The following TESC variants were observed in gnomAD, a reference collection of about 807,000 sequenced individuals.
The protein encoded by TESC is tescalcin.
A neutral mutation model predicts 31.0 loss-of-function variants in TESC; 19 were observed. That is an observed-to-expected ratio of 0.61 (90% CI 0.43 to 0.90). The LOEUF is 0.90. TESC is among the 40% of genes least tolerant of loss of function. The pLI, the probability that TESC is intolerant of heterozygous loss-of-function variation, is 0.00. For synonymous variants in TESC, 109 were observed against 114.8 expected (o/e 0.95, Z 0.32); for missense variants, 248 against 303.8 (o/e 0.82, Z 1.36).
At chr12:117,095,077 T>C (rs905962067) in intron 1 of TESC, among the ~76,000 whole-genome samples, 4 of 151,644 alleles carry the variant, frequency 2.6e-5, no homozygotes, top group Non-Finnish European at 5.9e-5. Flanking sequence ...TTGTTTTTTC[T>C]TGTTTTTGTT....
At chr12:117,057,948 C>T (rs1029923294) in intron 2 of TESC, among the ~76,000 whole-genome samples, 27 of 152,070 alleles carry the variant, frequency 1.8e-4, no homozygotes, top group African/African-American at 6.3e-4. Flanking sequence ...GCCCGGGCGC[C>T]GTAGCTCACA....
At chr12:117,069,657 G>A (rs1485154245) in intron 2 of TESC, among the ~76,000 whole-genome samples, 1 of 152,192 alleles carries the variant, frequency 6.6e-6, no homozygotes, top group Non-Finnish European at 1.5e-5. Context: ...GTCCTCAGAT[G>A]ACTTCTGGAA....
Position 117,039,111 on chromosome 12 carries a change from T to C in TESC, c.*22A>G. 3 of 1,612,798 alleles carry C rather than the reference T, an allele frequency of 1.9e-6. No individual in the cohort carries two copies. The highest frequency in any genetic ancestry group is 2.5e-6 in the Non-Finnish European group (3 of 1,179,478). On this transcript the variant is annotated 3_prime_UTR_variant, in exon 8 of 8. Transcript: ENST00000335209. ...GGCGGCCCCATTGCAAAGTGCAGTTTCTCCGCGGAGGTGGCGGTGGGTCAG... is the reference window on the plus strand; with the variant it reads ...GGCGGCCCCATTGCAAAGTGCAGTTCCTCCGCGGAGGTGGCGGTGGGTCAG...
intron 2 of TESC, among the ~76,000 whole-genome samples, chr12:117,064,409 C>G (rs1169457721): frequency 1.3e-5 from 2 of 152,200 alleles, no homozygotes; most frequent in Admixed American, 6.5e-5. Flanking sequence ...TGGACAACGT[C>G]GCCAAGACCA....
chr12:117,083,734 G>C (rs1260860357), intron 1 of TESC, among the ~76,000 whole-genome samples: 2 of 152,178 alleles, frequency 1.3e-5, no homozygotes, highest in Non-Finnish European at 2.9e-5. Context: ...CCAGGGGCTG[G>C]AGGGTGTTGA....
chr12:117,054,451 G>A (rs11837022), intron 3 of TESC, among the ~76,000 whole-genome samples: 59,878 of 151,830 alleles, frequency 0.39, 13,030 homozygotes, highest in African/African-American at 0.59. Context: ...GGTCCAGCTG[G>A]GTCTGCCTCT....
intron 7 of TESC, among the ~76,000 whole-genome samples, chr12:117,040,160 C>T (rs1033319884): frequency 2.2e-4 from 33 of 152,240 alleles, no homozygotes; most frequent in African/African-American, 7.5e-4. Context: ...GGGACATTTC[C>T]GGCCGCAGCC....
At chr12:117,074,418 T>C (rs1426660510) in intron 2 of TESC, among the ~76,000 whole-genome samples, 1 of 152,144 alleles carries the variant, frequency 6.6e-6, no homozygotes, top group African/African-American at 2.4e-5. Flanking sequence ...GAATACAGTT[T>C]AAGGCATTCC....
At chr12:117,060,070 C>T (rs149595490) in intron 2 of TESC, among the ~76,000 whole-genome samples, 1 of 152,230 alleles carries the variant, frequency 6.6e-6, no homozygotes, top group African/African-American at 2.4e-5. Flanking sequence ...GGGGTGATGG[C>T]TAACGGGTGC....
chr12:117,052,524 C>T (rs1244896578), intron 3 of TESC, among the ~76,000 whole-genome samples: 1 of 152,158 alleles, frequency 6.6e-6, no homozygotes, highest in African/African-American at 2.4e-5. Flanking sequence ...CTGGGCCAGC[C>T]TTAGTCACTG....
chr12:117,051,026 G>A (rs1592996489), intron 3 of TESC, among the ~76,000 whole-genome samples: 2 of 152,168 alleles, frequency 1.3e-5, no homozygotes, highest in South Asian at 2.1e-4. Flanking sequence ...ATGAGCGCCC[G>A]AGGCTGCTGG....
chr12:117,045,559 CT>C (rs928833474), intron 6 of TESC, among the ~76,000 whole-genome samples: 2 of 152,206 alleles, frequency 1.3e-5, no homozygotes, highest in African/African-American at 4.8e-5. Context: ...AAGCTTCCCC[CT>C]GGGCTCCAGA....
chr12:117,051,655 G>A (rs1182436803), intron 3 of TESC, among the ~76,000 whole-genome samples: 2 of 152,148 alleles, frequency 1.3e-5, no homozygotes, highest in Non-Finnish European at 2.9e-5. Flanking sequence ...AAGTGGTTTA[G>A]GCTGCAGCAA....
At chr12:117,043,488 G>A (rs969476415) in intron 6 of TESC, among the ~76,000 whole-genome samples, 1 of 152,078 alleles carries the variant, frequency 6.6e-6, no homozygotes, top group Non-Finnish European at 1.5e-5. Flanking sequence ...ACAGAGTCTC[G>A]CTCTGTTGCC....
chr12:117,075,970 T>G (rs1252466188), intron 1 of TESC, among the ~76,000 whole-genome samples: 1 of 126,314 alleles, frequency 7.9e-6, no homozygotes, highest in Non-Finnish European at 1.6e-5. Context: ...TATATATGTA[T>G]GTATATATAT....
chr12:117,077,491 T>C (rs539008387), intron 1 of TESC, among the ~76,000 whole-genome samples: 6 of 152,230 alleles, frequency 3.9e-5, no homozygotes, highest in East Asian at 3.8e-4. Flanking sequence ...GGCGGTGCCA[T>C]TGGAATCGTC....
In TESC at chr12:117,046,821, C is replaced by G; in HGVS notation, c.367G>C (p.Asp123His). 7.0e-6 allele frequency: 11 copies of G among 1,571,670 alleles called. No individual in the cohort carries two copies. Among genetic ancestry groups the G allele is most frequent in the Non-Finnish European group, 9.5e-6 (11 of 1,158,000 alleles). ...EKLRFLFHMYDSDSDGRITLE... is the reference protein window; with the variant it reads ...EKLRFLFHMYHSDSDGRITLE... ...GTGATGCGGCCGTCGCTGTCCGAGT[C>G]GTACATGTGGAACAGAACTAGGGTG... The change falls in exon 5 of 8, where the codon GAC becomes CAC. Residue 123 changes from aspartate (D) to histidine (H), a missense_variant. Coordinates refer to ENST00000335209, the MANE Select transcript of TESC (RefSeq NM_017899.4).
intron 7 of TESC, among the ~76,000 whole-genome samples, chr12:117,040,956 C>T (rs1488319814): frequency 8.3e-6 from 1 of 120,674 alleles, no homozygotes; most frequent in Non-Finnish European, 1.7e-5. Flanking sequence ...CCCTGACTTC[C>T]TTGTCTTCCT....
intron 3 of TESC, among the ~76,000 whole-genome samples, chr12:117,050,120 T>C (rs1213664250): frequency 6.8e-6 from 1 of 146,730 alleles, no homozygotes; most frequent in Admixed American, 6.8e-5. Flanking sequence ...CATTTTTAAA[T>C]AGTTGAAAAA....
Sources: allele counts gnomAD v4.1 joint callset (sites outside exome capture counted in the v4.1 genomes callset), GRCh38; gene constraint gnomAD v4.1.1; transcripts MANE v1.5; gene names NCBI Gene and HGNC (gene_info 2026-07-23, HGNC 2026-07-21).